Variants in RYR3 observed in about 807,000 individuals in gnomAD.
The protein encoded by RYR3 is brain ryanodine receptor-calcium release channel.
In RYR3, 207 loss-of-function variants were observed where a neutral mutation model predicts 584.3. The observed-to-expected ratio is 0.35, with a 90% CI of 0.32 to 0.40. RYR3 has a LOEUF of 0.40. RYR3 is among the 10% of genes least tolerant of loss of function. The pLI is 1.00. For missense variants in RYR3, 5,616 were observed against 6,089.2 expected (o/e 0.92, Z 2.59); for synonymous variants, 2,416 against 2,248.5 (o/e 1.07, Z -2.11).
At chr15:33,448,597 A>G (rs889030731) in intron 1 of RYR3, among the ~76,000 whole-genome samples, 2 of 152,274 alleles carry the variant, frequency 1.3e-5, no homozygotes, top group African/African-American at 2.4e-5. Context: ...AAGAGTTTCC[A>G]CAGATGGTGA....
At chr15:33,570,721 T>C (rs543183424) in intron 12 of RYR3, among the ~76,000 whole-genome samples, 1 of 152,316 alleles carries the variant, frequency 6.6e-6, no homozygotes, top group East Asian at 1.9e-4. Context: ...ACATAAAATG[T>C]CTATTTATTT....
At position 33,746,144 on chromosome 15, in the gene RYR3, C is replaced by T; in HGVS notation, c.7976C>T (p.Thr2659Ile). The T allele has an allele frequency of 6.3e-7, 1 of 1,594,344 alleles. No homozygotes were observed. ...CACCCACTGATAAGGCCTTTCAAGA[C>T]ATTAACGGAGAAGGTAAGAAGCAGG... is the stretch of plus-strand genomic sequence containing the variant. ...KTHPLIRPFK[T>I]LTEKEKEIYR... Residue 2659 changes from threonine to isoleucine, a missense_variant, in exon 53 of 104, where the codon ACA (threonine) becomes ATA (isoleucine). Transcript: ENST00000634891.
intron 7 of RYR3, among the ~76,000 whole-genome samples, chr15:33,542,383 A>G (rs373815440): frequency 3.3e-5 from 5 of 152,164 alleles, no homozygotes; most frequent in South Asian, 2.1e-4. Flanking sequence ...CGAGAGCTTA[A>G]TCAAGAGGTT....
At chr15:33,436,541 C>T (rs1205230056) in intron 1 of RYR3, among the ~76,000 whole-genome samples, 1 of 149,948 alleles carries the variant, frequency 6.7e-6, no homozygotes, top group Admixed American at 6.6e-5. Context: ...TGCTCTGTCA[C>T]CCAGGCTGGA....
chr15:33,348,771 T>C (rs1411724196), intron 1 of RYR3, among the ~76,000 whole-genome samples: 3 of 151,114 alleles, frequency 2.0e-5, no homozygotes, highest in African/African-American at 7.3e-5. Context: ...CCACTGCGCC[T>C]GGCCTAATTT....
intron 65 of RYR3, among the ~76,000 whole-genome samples, chr15:33,782,394 A>G (rs2074441072): frequency 6.6e-6 from 1 of 152,236 alleles, no homozygotes; most frequent in Non-Finnish European, 1.5e-5. Context: ...CATATTCCAA[A>G]GGAAGAAAAG....
chr15:33,587,093 A>G (rs1033605437), intron 16 of RYR3, among the ~76,000 whole-genome samples: 2 of 152,184 alleles, frequency 1.3e-5, no homozygotes, highest in African/African-American at 4.8e-5. Flanking sequence ...ACTGTATGAC[A>G]TGCATCAGCC....
chr15:33,445,852 C>T (rs1249323354), intron 1 of RYR3, among the ~76,000 whole-genome samples: 1 of 151,920 alleles, frequency 6.6e-6, no homozygotes, highest in East Asian at 1.9e-4. Flanking sequence ...AGAAGAAAAT[C>T]GACGTGATTT....
chr15:33,330,955 A>G (rs1406207192), intron 1 of RYR3, among the ~76,000 whole-genome samples: 2 of 152,178 alleles, frequency 1.3e-5, no homozygotes, highest in Non-Finnish European at 2.9e-5. Flanking sequence ...CATCTCTAAA[A>G]TGAATGCTCT....
chr15:33,364,711 A>G (rs1975241498), intron 1 of RYR3, among the ~76,000 whole-genome samples: 1 of 152,210 alleles, frequency 6.6e-6, no homozygotes, highest in Admixed American at 6.5e-5. Context: ...ACCCAGGTTG[A>G]TGTGCTGGAG....
intron 70 of RYR3, among the ~76,000 whole-genome samples, chr15:33,808,276 T>G (rs549434888): frequency 3.3e-5 from 5 of 152,212 alleles, no homozygotes; most frequent in Admixed American, 6.5e-5. Context: ...AAAAATTGCT[T>G]AACTTCCCTG....
chr15:33,331,568 A>T (rs1970382532), intron 1 of RYR3, among the ~76,000 whole-genome samples: 1 of 152,156 alleles, frequency 6.6e-6, no homozygotes, highest in South Asian at 2.1e-4. Context: ...CATGAAATAC[A>T]TATTTATACA....
rs200704038 is a variant in RYR3, at chr15:33,865,340, TAAAAAA to T, written c.*119_*124del. 2 of 622,244 alleles carry T rather than the reference TAAAAAA, an allele frequency of 3.2e-6. No individual in the cohort carries two copies. The highest frequency in any genetic ancestry group is 3.4e-5 in the Admixed American group (1 of 29,668). The allele number at this position is 622,244 out of a possible 1,614,324, so 38.5% of individuals were successfully genotyped here. ...TGTGACATTTTCTAAATGCCTCCCTTAAAAAAAAAACTGCTGAAAATCTGTGCTATT... is the reference window on the plus strand; with the variant it reads ...TGTGACATTTTCTAAATGCCTCCCTTAAAACTGCTGAAAATCTGTGCTATT... On this transcript the variant is annotated 3_prime_UTR_variant, in exon 104 of 104. Transcript: ENST00000634891.
chr15:33,657,170 T>C (rs917174522), intron 32 of RYR3, among the ~76,000 whole-genome samples: 1 of 152,218 alleles, frequency 6.6e-6, no homozygotes, highest in Non-Finnish European at 1.5e-5. Context: ...GACTATACTC[T>C]GCGTGGTGGA....
intron 51 of RYR3, among the ~76,000 whole-genome samples, chr15:33,740,832 T>C (rs906956744): frequency 7.9e-5 from 12 of 152,206 alleles, no homozygotes; most frequent in African/African-American, 2.7e-4. Flanking sequence ...GCTTTGATCA[T>C]GTGTAACATT....
intron 36 of RYR3, among the ~76,000 whole-genome samples, chr15:33,664,117 A>G (rs976138945): frequency 6.6e-6 from 1 of 151,768 alleles, no homozygotes; most frequent in Non-Finnish European, 1.5e-5. Flanking sequence ...TCAGTTACCA[A>G]CAGAATAGGG....
At chr15:33,530,806 A>G in intron 4 of RYR3, 140 bp downstream of exon 4, 1 of 669,322 alleles carries the variant, frequency 1.5e-6, no homozygotes, top group South Asian at 1.8e-5. Flanking sequence ...TCCTCTTGGC[A>G]TTTCCTACAT....
At chr15:33,681,620 C>T (rs1566942096) in intron 38 of RYR3, among the ~76,000 whole-genome samples, 1 of 152,174 alleles carries the variant, frequency 6.6e-6, no homozygotes, top group Non-Finnish European at 1.5e-5. Flanking sequence ...TTCATGCCTC[C>T]AGAGCATTTA....
intron 83 of RYR3, 127 bp downstream of exon 83, chr15:33,826,396 A>T (rs1049329509): frequency 1.0e-6 from 1 of 966,256 alleles, no homozygotes; most frequent in Admixed American, 1.9e-5. Context: ...GCAGTTTGGT[A>T]CTTAATTAAA....
Sources: allele counts gnomAD v4.1 joint callset (sites outside exome capture counted in the v4.1 genomes callset), GRCh38; gene constraint gnomAD v4.1.1; transcripts MANE v1.5; gene names NCBI Gene and HGNC (gene_info 2026-07-23, HGNC 2026-07-21).